PRKN: variants seen among roughly 807,000 people sequenced by gnomAD.
The protein encoded by PRKN is parkin RBR E3 ubiquitin protein ligase, also known as E3 ubiquitin-protein ligase parkin.
Under a neutral mutation model 59.5 loss-of-function variants are expected in PRKN, and 56 were observed. The observed-to-expected ratio is 0.94, with a 90% confidence interval of 0.76 to 1.18. The LOEUF is 1.18. Ranked by LOEUF, PRKN falls within the 50% of genes most tolerant of loss-of-function variation. The pLI is 0.00. For synonymous variants in PRKN, 250 were observed against 222.1 expected (o/e 1.13, Z -1.12); for missense variants, 657 against 596.4 (o/e 1.10, Z -1.06).
chr6:162,637,383 A>C (rs1456552179), intron 1 of PRKN, among the ~76,000 whole-genome samples: 1 of 151,792 alleles, frequency 6.6e-6, no homozygotes, highest in Admixed American at 6.6e-5. Flanking sequence ...GCATACACAC[A>C]ACTCCAGCTG....
At chr6:162,339,628 C>A (rs1784068071) in intron 2 of PRKN, among the ~76,000 whole-genome samples, 1 of 151,980 alleles carries the variant, frequency 6.6e-6, no homozygotes, top group African/African-American at 2.4e-5. Flanking sequence ...ACCACCCCGT[C>A]TGGGAGGTGT....
rs189008257 is a variant in PRKN, at chr6:161,470,276, C to G, written c.1083+78578G>C. Among the ~76,000 whole-genome samples the G allele has an allele frequency of 1.4e-4, 22 of 152,234 alleles. No homozygotes were observed. Among genetic ancestry groups the G allele is most frequent in the Non-Finnish European group, 1.5e-5 (1 of 68,008 alleles). On this transcript the variant is annotated intron_variant, in intron 9 of 11. Coordinates refer to ENST00000366898, the MANE Select transcript of PRKN (RefSeq NM_004562.3). This position sits in a 1 kb window ranked among gnomAD's most constrained non-coding sequence, Gnocchi z 5.1. ...ATATTACTACCTTTGCTGTCATAGG[C>G]CCATTAGGGTATTATTTAATGTAGT...
intron 1 of PRKN, among the ~76,000 whole-genome samples, chr6:162,675,237 A>T (rs1241309275): frequency 2.0e-5 from 3 of 151,996 alleles, no homozygotes; most frequent in Non-Finnish European, 4.4e-5. Flanking sequence ...TTTAGTAGAG[A>T]TAGGGTTTCA....
At chr6:162,532,798 T>C (rs1206297551) in intron 1 of PRKN, among the ~76,000 whole-genome samples, 1 of 152,140 alleles carries the variant, frequency 6.6e-6, no homozygotes, top group Non-Finnish European at 1.5e-5. Context: ...ACAAAGGAAA[T>C]AGCTACACCT....
At chr6:162,437,545 T>G (rs1789837549) in intron 2 of PRKN, among the ~76,000 whole-genome samples, 1 of 152,154 alleles carries the variant, frequency 6.6e-6, no homozygotes, top group Admixed American at 6.6e-5. Flanking sequence ...AAAGGGTCCC[T>G]TCTGTTACCC....
chr6:162,240,399 GT>G (rs1199141838), intron 3 of PRKN, among the ~76,000 whole-genome samples: 1 of 151,972 alleles, frequency 6.6e-6, no homozygotes, highest in Non-Finnish European at 1.5e-5. Flanking sequence ...TGGCAGCAAT[GT>G]TTTTACTTTT....
chr6:161,901,048 T>C (rs1312516052), intron 6 of PRKN, among the ~76,000 whole-genome samples: 4 of 151,548 alleles, frequency 2.6e-5, no homozygotes, highest in Non-Finnish European at 2.9e-5. Context: ...CCTGAGTAGC[T>C]GGCACTACAG....
intron 1 of PRKN, among the ~76,000 whole-genome samples, chr6:162,541,981 T>C (rs993759582): frequency 2.6e-5 from 4 of 152,042 alleles, no homozygotes; most frequent in Non-Finnish European, 5.9e-5. Context: ...TGCCCTTGGG[T>C]TGACTAAAAC....
chr6:162,381,718 G>A lies in PRKN; in HGVS notation c.171+61592C>T, dbSNP rs186439442. Among the ~76,000 whole-genome samples, 1,125 of 152,120 alleles carry A rather than the reference G, an allele frequency of 7.4e-3. 8 individuals are homozygous for A. The highest frequency in any genetic ancestry group is 0.011 in the Non-Finnish European group (768 of 67,992). On this transcript the variant is annotated intron_variant, in intron 2 of 11. Coordinates refer to ENST00000366898, the MANE Select transcript of PRKN (RefSeq NM_004562.3). ...AAAAATGATATGTTTTTACCATTAC[G>A]CACTTTTTTCTGATTTTTTTTTATT...
intron 6 of PRKN, among the ~76,000 whole-genome samples, chr6:161,946,408 A>ACT (rs1228402383): frequency 8.2e-5 from 8 of 97,612 alleles, no homozygotes; most frequent in African/African-American, 2.8e-4. Flanking sequence ...ACACACACAC[A>ACT]CACACACTCT....
At chr6:162,272,891 G>A (rs1562630973) in intron 2 of PRKN, among the ~76,000 whole-genome samples, 1 of 151,094 alleles carries the variant, frequency 6.6e-6, no homozygotes, top group African/African-American at 2.4e-5. Context: ...CCAGCTACAG[G>A]CTGGGAGGCT....
intron 2 of PRKN, among the ~76,000 whole-genome samples, chr6:162,365,162 G>A (rs1785368473): frequency 6.6e-6 from 1 of 151,810 alleles, no homozygotes; most frequent in Non-Finnish European, 1.5e-5. Flanking sequence ...ACACAAAAGT[G>A]TATAAAGTAA....
chr6:161,469,379 CAATT>C (rs924024004), intron 9 of PRKN, among the ~76,000 whole-genome samples: 14 of 152,136 alleles, frequency 9.2e-5, no homozygotes, highest in African/African-American at 1.9e-4. Flanking sequence ...AACTGTGAGT[CAATT>C]AAACCTCTTT....
At chr6:161,650,980 A>G (rs1425285360) in intron 7 of PRKN, among the ~76,000 whole-genome samples, 1 of 152,198 alleles carries the variant, frequency 6.6e-6, no homozygotes. Flanking sequence ...CGTTTATTAT[A>G]TTATAATCTC....
chr6:161,727,512 G>C (rs77659883), intron 7 of PRKN, among the ~76,000 whole-genome samples: 2,122 of 152,292 alleles, frequency 0.014, 48 homozygotes, highest in African/African-American at 0.048. Flanking sequence ...GATTAATTAT[G>C]GATCAATAAA....
intron 1 of PRKN, among the ~76,000 whole-genome samples, chr6:162,677,173 T>C (rs936672927): frequency 6.9e-6 from 1 of 143,962 alleles, no homozygotes; most frequent in East Asian, 2.0e-4. Flanking sequence ...TCACAGGGCA[T>C]AGGAGATAAA....
chr6:162,213,801 CCATACACACACACA>C (rs1481813604), intron 3 of PRKN, among the ~76,000 whole-genome samples: 3 of 67,390 alleles, frequency 4.5e-5, no homozygotes, highest in Non-Finnish European at 9.1e-5. Context: ...CAAAAAAAAA[CCATACACACACACA>C]CACACACACA....
Position 161,481,634 on chromosome 6 carries a change from AAAAC to A in PRKN, c.1083+67216_1083+67219del, listed in dbSNP as rs200163951. ...CAAAAAAACAAAACAAACAAACAAA[AAAAC>A]AAAAACAAACAAGGAAAAAAAGAAC... On this transcript the variant is annotated intron_variant, in intron 9 of 11. Transcript: ENST00000366898. Among the ~76,000 whole-genome samples, 1,170 of 152,232 alleles carry A rather than the reference AAAAC, an allele frequency of 7.7e-3. 16 individuals are homozygous for A. The highest frequency in any genetic ancestry group is 0.027 in the African/African-American group (1,118 of 41,550).
At chr6:161,909,646 G>A (rs1210263777) in intron 6 of PRKN, among the ~76,000 whole-genome samples, 3 of 152,108 alleles carry the variant, frequency 2.0e-5, no homozygotes, top group Non-Finnish European at 4.4e-5. Flanking sequence ...TTAGGCTTTC[G>A]GGACATGTGC....
Sources: allele counts gnomAD v4.1 joint callset (sites outside exome capture counted in the v4.1 genomes callset), GRCh38; gene constraint gnomAD v4.1.1; non-coding constraint Gnocchi (gnomAD v3.1); transcripts MANE v1.5; gene names NCBI Gene and HGNC (gene_info 2026-07-23, HGNC 2026-07-21).